The following CPT1C variants were observed in gnomAD, a reference collection of about 807,000 sequenced individuals.
The protein encoded by CPT1C is carnitine palmitoyltransferase 1C.
A neutral mutation model predicts 97.3 loss-of-function variants in CPT1C; 61 were observed. The observed-to-expected ratio is 0.63, with a 90% CI of 0.51 to 0.78. The LOEUF (loss-of-function observed/expected upper bound fraction) is 0.78. CPT1C is among the 30% of genes least tolerant of loss of function. The pLI is 0.00. For synonymous variants in CPT1C, 469 were observed against 447.2 expected (o/e 1.05, Z -0.61); for missense variants, 975 against 1,065.5 (o/e 0.92, Z 1.18).
chr19:49,697,572 C>A, intron 4 of CPT1C, 107 bp downstream of exon 4: 1 of 1,322,944 alleles, frequency 7.6e-7, no homozygotes, highest in Non-Finnish European at 1.0e-6. Flanking sequence ...ACCTCTGAGA[C>A]TTACATTGGG....
chr19:49,701,857 A>G (rs1231309362), intron 7 of CPT1C, among the ~76,000 whole-genome samples: 1 of 125,926 alleles, frequency 7.9e-6, no homozygotes, highest in Admixed American at 9.5e-5. Context: ...TTATTTATAT[A>G]TAAATATATA....
Position 49,713,502 on chromosome 19 carries a change from G to T in CPT1C, c.2309G>T (p.Arg770Leu). The change falls in exon 20 of 20, where the codon CGC becomes CTC. Residue 770 changes from arginine (R) to leucine (L), a missense_variant. Coordinates refer to ENST00000598293, the MANE Select transcript of CPT1C (RefSeq NM_001199753.2). The part of the protein sequence containing the change: ...SLFQAGQHFK[R>L]RFRGSGKENS... ...TTCCAGGCGGGACAGCATTTTAAGC[G>T]CCGGTTCAGAGGGTCAGGGAAGGAG... 6.2e-7 allele frequency: 1 copy of T among 1,614,174 alleles called. No homozygotes were observed. The highest frequency in any genetic ancestry group is 8.5e-7 in the Non-Finnish European group (1 of 1,180,034).
rs772863673 is a variant in CPT1C, at chr19:49,697,439, G to A, written c.255G>A (p.Glu85=). ...LQLDPSLGLM[E]KIKELLPDWG... is the part of the protein sequence containing the mutation. Reference sequence around the variant, plus strand: ...TGGATCCTTCCTTAGGACTGATGGAGAAGATCAAAGAGTTGCTGCCTGACT... The same window carrying A: ...TGGATCCTTCCTTAGGACTGATGGAAAAGATCAAAGAGTTGCTGCCTGACT... Residue 85 remains glutamate (E), a synonymous_variant, in exon 4 of 20, where the codon GAG becomes GAA. Coordinates refer to ENST00000598293, the MANE Select transcript of CPT1C (RefSeq NM_001199753.2). 6.2e-7 allele frequency: 1 copy of A among 1,614,078 alleles called. No homozygotes were observed. The highest frequency in any genetic ancestry group is 8.5e-7 in the Non-Finnish European group (1 of 1,180,008).
In CPT1C at chr19:49,712,900, G is replaced by A. The variant is rs777279145; in HGVS notation, c.2133+51G>A. 6 of 1,592,080 alleles carry A rather than the reference G, an allele frequency of 3.8e-6. No individual in the cohort carries two copies. In the African/African-American group the frequency reaches 4.0e-5, roughly 11 times the overall value. On this transcript the variant is annotated intron_variant, in intron 18 of 19. Coordinates refer to ENST00000598293, the MANE Select transcript of CPT1C (RefSeq NM_001199753.2). ...CCCAGAGGAAAGAGGGGGCTGGGGG[G>A]CCTGCACTCCTGCATAGTGGGGGTG...
At chr19:49,710,276 C>G (rs149554934) in intron 14 of CPT1C, 44 bp from the exon 15 acceptor site, 2 of 1,597,922 alleles carry the variant, frequency 1.3e-6, no homozygotes, top group Admixed American at 1.7e-5. Flanking sequence ...CACCCTACCC[C>G]CATCTGTAAC....
Position 49,702,089 on chromosome 19 carries a change from T to TTATTTATAAATTATAAATATA in CPT1C, c.693+463_693+483dup, listed in dbSNP as rs1568521659. 7.4e-3 allele frequency among the ~76,000 whole-genome samples: 765 copies of TTATTTATAAATTATAAATATA among 103,878 alleles called. 117 individuals carry two copies. Among genetic ancestry groups the TTATTTATAAATTATAAATATA allele is most frequent in the East Asian group, 0.059 (227 of 3,870 alleles). The allele number at this position is 103,878 out of a possible 152,430, so 68.1% of individuals were successfully genotyped here. A position where few individuals can be genotyped will look rare whatever the true frequency, so the allele number is the denominator to read the frequency against. On this transcript the variant is annotated intron_variant, in intron 7 of 19. Transcript: ENST00000598293. Reference sequence around the variant, plus strand: ...TTATTTATAAATTATAAATATATATTTATTTATAAATTATAAATATATATT... The same window carrying TTATTTATAAATTATAAATATA: ...TTATTTATAAATTATAAATATATATTTATTTATAAATTATAAATATATATTTATAAATTATAAATATATATT...
intron 3 of CPT1C, among the ~76,000 whole-genome samples, chr19:49,693,781 G>A (rs1489768731): frequency 2.6e-5 from 4 of 152,002 alleles, no homozygotes; most frequent in East Asian, 1.9e-4. Context: ...AAGACAGGTC[G>A]GGCACGGTGG....
At chr19:49,711,612 C>T in intron 16 of CPT1C, 197 bp from the exon 17 acceptor site, 1 of 613,530 alleles carries the variant, frequency 1.6e-6, no homozygotes, top group Non-Finnish European at 2.8e-6. Context: ...TAGGAACCCG[C>T]CTGGCTCTCC....
Position 49,713,407 on chromosome 19 carries a change from G to A in CPT1C, c.2227-13G>A. 2 of 1,606,484 alleles carry A rather than the reference G, an allele frequency of 1.2e-6. No individual in the cohort carries two copies. The highest frequency in any genetic ancestry group is 1.7e-6 in the Non-Finnish European group (2 of 1,176,092). On this transcript the variant is annotated splice_polypyrimidine_tract_variant and intron_variant, in intron 19 of 19. Transcript: ENST00000598293. ...TCCCAGCTTCCCCTGGCTCTGACCT[G>A]TTCTCCTTCCAGGATTCCCACAGGC...
intron 14 of CPT1C, 40 bp from the exon 15 acceptor site, chr19:49,710,280 C>G (rs1341040379): frequency 6.2e-7 from 1 of 1,603,332 alleles, no homozygotes; most frequent in East Asian, 2.2e-5. Context: ...CTACCCCCAT[C>G]TGTAACCCCA....
chr19:49,703,782 GC>G (rs1247755156), intron 7 of CPT1C, among the ~76,000 whole-genome samples: 1 of 151,676 alleles, frequency 6.6e-6, no homozygotes, highest in African/African-American at 2.4e-5. Context: ...ACAGGCATGT[GC>G]CCCTAAGCCT....
rs746293416 is a variant in CPT1C, at chr19:49,706,189, C to T, written c.1161-42C>T. 13 of 1,543,088 alleles carry T rather than the reference C, an allele frequency of 8.4e-6. No homozygotes were observed. Among genetic ancestry groups the T allele is most frequent in the South Asian group, 2.5e-5 (2 of 80,720 alleles). On this transcript the variant is annotated intron_variant, in intron 11 of 19. Coordinates refer to ENST00000598293, the MANE Select transcript of CPT1C (RefSeq NM_001199753.2). The surrounding 1 kb of genome is among the most constrained non-coding windows in gnomAD (Gnocchi z 4.8). Reference sequence around the variant, plus strand: ...GGAAGGGCAGGGTGGGGCCAGGTGGCGGCTGGGCAGGATGGACTCAGGCAC... The same window carrying T: ...GGAAGGGCAGGGTGGGGCCAGGTGGTGGCTGGGCAGGATGGACTCAGGCAC...
Position 49,701,601 on chromosome 19 carries a change from C to T in CPT1C, c.660C>T (p.Tyr220=). ...LRLQASLLQW[Y]LRLKSWWASN... Reference sequence around the variant, plus strand: ...TGCAGGCGTCGCTGCTGCAGTGGTACCTGCGGCTCAAGTCCTGGTGGGCGT... The same window carrying T: ...TGCAGGCGTCGCTGCTGCAGTGGTATCTGCGGCTCAAGTCCTGGTGGGCGT... The change falls in exon 7 of 20, where the codon TAC becomes TAT. Residue 220 remains tyrosine, a synonymous_variant. Coordinates refer to ENST00000598293, the MANE Select transcript of CPT1C (RefSeq NM_001199753.2). The T allele has an allele frequency of 1.2e-6, 2 of 1,610,086 alleles. No individual in the cohort carries two copies. Among genetic ancestry groups the T allele is most frequent in the Non-Finnish European group, 1.7e-6 (2 of 1,177,622 alleles).
At chr19:49,704,970 C>T (rs961355362) in intron 8 of CPT1C, 37 bp from the exon 9 acceptor site, 4 of 1,541,240 alleles carry the variant, frequency 2.6e-6, no homozygotes, top group African/African-American at 1.4e-5. Flanking sequence ...GCAAACCTGA[C>T]CCTGGGTGTT....
chr19:49,712,224 T>TC, intron 17 of CPT1C: 1 of 442,316 alleles, frequency 2.3e-6, no homozygotes, highest in South Asian at 2.4e-5. Context: ...GCACCTGTAA[T>TC]CCCAGCTACT....
In CPT1C at chr19:49,708,732, G is replaced by T; in HGVS notation, c.1459G>T (p.Ala487Ser). The change falls in exon 14 of 20, where the codon GCT (alanine) becomes TCT (serine). Residue 487 changes from alanine (A) to serine (S), a missense_variant. Ala to Ser is a moderately conservative substitution (Grantham distance 99). This residue lies in a region of CPT1C where 35 missense variants were observed against 66.6 expected (regional missense o/e 0.53). Transcript: ENST00000598293. Reference protein sequence around the residue: ...ISGHMWEFTLATECFQLGYST... With the variant: ...ISGHMWEFTLSTECFQLGYST... ...CTCTGTTTGCCCACAGTTCACTCTG[G>T]CTACAGAATGCTTTCAGCTGGGCTA... 6.2e-7 allele frequency: 1 copy of T among 1,613,456 alleles called. No individual in the cohort carries two copies. The highest frequency in any genetic ancestry group is 8.5e-7 in the Non-Finnish European group (1 of 1,179,464).
At chr19:49,711,544 C>T (rs2123502978) in intron 16 of CPT1C, 3 of 513,334 alleles carry the variant, frequency 5.8e-6, no homozygotes, top group Admixed American at 3.5e-5. Context: ...CCTAGCCCCG[C>T]ACCTACAAGG....
Position 49,705,096 on chromosome 19 carries a change from C to T in CPT1C, c.861C>T (p.Asn287=). 6.2e-7 allele frequency: 1 copy of T among 1,614,022 alleles called. No homozygotes were observed. Among genetic ancestry groups the T allele is most frequent in the Admixed American group, 1.7e-5 (1 of 60,002 alleles). ...HALLLYRHRL[N]RQEIPPTLLM... ...TCCTCCTGTACCGCCACCGCCTGAACCGCCAGGAGATACCCCCGGTGAGAG... is the reference window on the plus strand; with the variant it reads ...TCCTCCTGTACCGCCACCGCCTGAATCGCCAGGAGATACCCCCGGTGAGAG... Residue 287 remains asparagine (N), a synonymous_variant, in exon 9 of 20, where the codon AAC becomes AAT. Transcript: ENST00000598293.
Position 49,706,478 on chromosome 19 carries a change from C to A in CPT1C, c.1343+65C>A, listed in dbSNP as rs1600121021. On this transcript the variant is annotated intron_variant, in intron 12 of 19. Transcript: ENST00000598293. The surrounding 1 kb of genome is among the most constrained non-coding windows in gnomAD (Gnocchi z 4.8). ...CGAGAATCCAGTATCAGACCTAGGACCCCTGACAGTAGACAGCCAGACCCT... is the reference window on the plus strand; with the variant it reads ...CGAGAATCCAGTATCAGACCTAGGAACCCTGACAGTAGACAGCCAGACCCT... The A allele has an allele frequency of 2.2e-6, 3 of 1,343,182 alleles. No homozygotes were observed. Among genetic ancestry groups the A allele is most frequent in the East Asian group, 3.0e-5 (1 of 32,836 alleles). The allele number at this position is 1,343,182 out of a possible 1,614,324, so 83.2% of individuals were successfully genotyped here. A position where few individuals can be genotyped will look rare whatever the true frequency, so the allele number is the denominator to read the frequency against.
Sources: gnomAD v4.1 joint callset for allele counts (sites outside exome capture counted in the v4.1 genomes callset) on GRCh38, gnomAD v4.1.1 for gene constraint, gnomAD v4.1.1 regional missense constraint, Gnocchi (gnomAD v3.1) non-coding constraint, MANE v1.5 for transcripts, NCBI Gene and HGNC (gene_info 2026-07-23, HGNC 2026-07-21) for gene names.